The following EXOC2 variants were observed in gnomAD, a reference collection of about 807,000 sequenced individuals.
The protein encoded by EXOC2 is SEC5-like 1.
A neutral mutation model predicts 131.8 loss-of-function variants in EXOC2; 70 were observed. The ratio of observed to expected loss-of-function variants is 0.53; its 90% CI spans 0.44 to 0.65. The LOEUF is 0.65. EXOC2 is among the 30% of genes least tolerant of loss of function. The pLI is 0.00. For synonymous variants in EXOC2, 411 were observed against 398.4 expected, an observed-to-expected ratio of 1.03 and a Z score of -0.38; for missense variants, 923 against 1,108.6, an observed-to-expected ratio of 0.83 and a Z score of 2.38.
intron 6 of EXOC2, among the ~76,000 whole-genome samples, chr6:612,737 T>C (rs1383939645): frequency 6.6e-6 from 1 of 151,986 alleles, no homozygotes; most frequent in South Asian, 2.1e-4. Context: ...GCAGCAGCAA[T>C]AAAAGGAACA....
At chr6:487,011 T>C (rs1180503101) in intron 27 of EXOC2, among the ~76,000 whole-genome samples, 2 of 152,234 alleles carry the variant, frequency 1.3e-5, no homozygotes, top group Admixed American at 1.3e-4. Context: ...CTCCCAAGAT[T>C]AGATTCCTCC....
At chr6:588,981 G>A (rs60024061) in intron 11 of EXOC2, among the ~76,000 whole-genome samples, 2,192 of 152,300 alleles carry the variant, frequency 0.014, 62 homozygotes, top group African/African-American at 0.049. Context: ...TGACGAGATA[G>A]ATGAAATTTT....
At chr6:518,284 G>A (rs566224959) in intron 23 of EXOC2, among the ~76,000 whole-genome samples, 19 of 152,318 alleles carry the variant, frequency 1.2e-4, no homozygotes, top group African/African-American at 4.6e-4. Context: ...GCACAGATCA[G>A]ACAAGACTGG....
chr6:617,409 T>C (rs1761067610), intron 6 of EXOC2, among the ~76,000 whole-genome samples: 1 of 152,232 alleles, frequency 6.6e-6, no homozygotes, highest in Admixed American at 6.5e-5. Context: ...ATGTAAGATA[T>C]TGGTGGTTGT....
At chr6:532,312 CAAGA>C (rs1188303261) in intron 23 of EXOC2, among the ~76,000 whole-genome samples, 153 bp downstream of exon 23, 4 of 152,168 alleles carry the variant, frequency 2.6e-5, no homozygotes, top group Non-Finnish European at 5.9e-5. Context: ...CCAAACTATC[CAAGA>C]AATGGGTTTA....
intron 1 of EXOC2, among the ~76,000 whole-genome samples, chr6:681,342 T>C (rs1764393719): frequency 6.6e-6 from 1 of 152,200 alleles, no homozygotes; most frequent in South Asian, 2.1e-4. Context: ...AATCTGACCT[T>C]TAACTGAAAG....
intron 11 of EXOC2, among the ~76,000 whole-genome samples, chr6:578,818 A>G (rs1268024197): frequency 6.6e-6 from 1 of 152,166 alleles, no homozygotes; most frequent in South Asian, 2.1e-4. Flanking sequence ...TTTCTAATTG[A>G]CTTTTTTTCA....
At chr6:523,830 C>T (rs1175561127) in intron 23 of EXOC2, among the ~76,000 whole-genome samples, 1 of 152,226 alleles carries the variant, frequency 6.6e-6, no homozygotes, top group Non-Finnish European at 1.5e-5. Context: ...TAAAATGCAG[C>T]TTTCTAAATT....
chr6:674,743 T>C (rs915996795), intron 1 of EXOC2, among the ~76,000 whole-genome samples: 17 of 111,830 alleles, frequency 1.5e-4, no homozygotes, highest in African/African-American at 6.1e-4. Context: ...TGTTTGTTTG[T>C]TGTCAGTGCT....
Position 667,231 on chromosome 6 carries a change from A to C in EXOC2, c.-44+25788T>G, listed in dbSNP as rs1763665539. Among the ~76,000 whole-genome samples the C allele has an allele frequency of 5.2e-5, 5 of 96,900 alleles. 2 individuals carry two copies. The highest frequency in any genetic ancestry group is 1.2e-4 in the Non-Finnish European group (5 of 40,908). The allele number at this position is 96,900 out of a possible 152,430, so 63.6% of individuals were successfully genotyped here. A position where few individuals can be genotyped will look rare whatever the true frequency, so the allele number is the denominator to read the frequency against. On this transcript the variant is annotated intron_variant, in intron 1 of 27. Transcript: ENST00000230449. ...ACATCATTATCACTGTTGTTTTTTG[A>C]TGAATATCTTTTAGTGTTTCTTACA...
intron 23 of EXOC2, among the ~76,000 whole-genome samples, chr6:504,031 G>A (rs181087678): frequency 1.3e-3 from 195 of 152,376 alleles, no homozygotes; most frequent in Non-Finnish European, 2.1e-3. Flanking sequence ...AGAAGCCCGT[G>A]CTGGGACAGG....
intron 1 of EXOC2, among the ~76,000 whole-genome samples, chr6:688,616 T>TA (rs1764773573): frequency 6.6e-6 from 1 of 152,178 alleles, no homozygotes; most frequent in Admixed American, 6.5e-5. Context: ...AGTTCGGTGT[T>TA]ACTCTTCCAG....
chr6:612,484 T>C (rs1029795297), intron 6 of EXOC2, among the ~76,000 whole-genome samples: 4 of 152,260 alleles, frequency 2.6e-5, no homozygotes, highest in African/African-American at 9.6e-5. Flanking sequence ...ACAAATCATA[T>C]ATAAATTATA....
intron 13 of EXOC2, among the ~76,000 whole-genome samples, chr6:566,424 C>T (rs1027629947): frequency 5.3e-5 from 8 of 152,118 alleles, no homozygotes; most frequent in African/African-American, 1.4e-4. Flanking sequence ...TGAGACAGGC[C>T]GCCTGAAGGA....
chr6:597,322 G>A (rs1000376036), intron 10 of EXOC2, among the ~76,000 whole-genome samples: 20 of 151,830 alleles, frequency 1.3e-4, no homozygotes, highest in Non-Finnish European at 2.4e-4. Flanking sequence ...GATTACAGGC[G>A]CACATCACCA....
rs184427895 is a variant in EXOC2 at position 589,233 on chromosome 6, C to T, written c.1192+3236G>A. Among the ~76,000 whole-genome samples, 151 of 152,206 alleles carry T rather than the reference C, an allele frequency of 9.9e-4. 1 individual carries two copies. The Middle Eastern group carries it at 0.027, about 27-fold the overall frequency. On this transcript the variant is annotated intron_variant, in intron 11 of 27. Coordinates refer to ENST00000230449, the MANE Select transcript of EXOC2 (RefSeq NM_018303.6). ...TCGAGCACCCGCACGGTGTCTGGAA[C>T]GCTTCTCAATGCCGATCTAGAGAAC...
chr6:673,542 G>A (rs908109726), intron 1 of EXOC2, among the ~76,000 whole-genome samples: 4 of 151,964 alleles, frequency 2.6e-5, no homozygotes, highest in East Asian at 1.9e-4. Context: ...GAGGAGGAGC[G>A]AAAACGTTTC....
chr6:516,597 A>G (rs1349522477), intron 23 of EXOC2, among the ~76,000 whole-genome samples: 1 of 152,252 alleles, frequency 6.6e-6, no homozygotes, highest in Non-Finnish European at 1.5e-5. Context: ...AAGAACAGCA[A>G]CAAATTCAGG....
At chr6:580,096 C>T (rs1758808027) in intron 11 of EXOC2, among the ~76,000 whole-genome samples, 1 of 151,716 alleles carries the variant, frequency 6.6e-6, no homozygotes, top group Non-Finnish European at 1.5e-5. Flanking sequence ...AGCTGGAGCC[C>T]AGTGGCACAA....
Sources: allele counts gnomAD v4.1 joint callset (sites outside exome capture counted in the v4.1 genomes callset), GRCh38; gene constraint gnomAD v4.1.1; transcripts MANE v1.5; gene names NCBI Gene and HGNC (gene_info 2026-07-23, HGNC 2026-07-21).